Variants in CSMD1 observed in about 807,000 individuals in gnomAD.
The protein encoded by CSMD1 is CUB and sushi domain-containing protein 1.
Under a neutral mutation model 417.5 loss-of-function variants are expected in CSMD1, and 213 were observed. The ratio of observed to expected loss-of-function variants is 0.51; its 90% CI spans 0.46 to 0.57. CSMD1 has a LOEUF of 0.57. Ranked by LOEUF, CSMD1 falls within the 20% of genes least tolerant of loss-of-function variation. The pLI is 0.00. For synonymous variants in CSMD1, 2,862 were observed against 1,736.8 expected, an observed-to-expected ratio of 1.65 and a Z score of -16.11; for missense variants, 6,923 against 4,529.7, an observed-to-expected ratio of 1.53 and a Z score of -15.17.
intron 5 of CSMD1, among the ~76,000 whole-genome samples, chr8:3,925,918 G>A (rs938113719): frequency 1.1e-4 from 17 of 151,730 alleles, no homozygotes; most frequent in Admixed American, 9.2e-4. Context: ...ATAACAAAAT[G>A]TAGAAGGTAC....
chr8:3,627,883 T>C (rs948100029), intron 7 of CSMD1, among the ~76,000 whole-genome samples: 1 of 152,222 alleles, frequency 6.6e-6, no homozygotes, highest in African/African-American at 2.4e-5. Flanking sequence ...GTTTTCACTT[T>C]TGACCTTTAG....
In CSMD1 at chr8:3,242,672, G is replaced by A. The variant is rs149063240; in HGVS notation, c.4154-12441C>T. Among the ~76,000 whole-genome samples, 1,406 of 152,136 alleles carry A rather than the reference G, an allele frequency of 9.2e-3. 20 individuals carry two copies. Among genetic ancestry groups the A allele is most frequent in the African/African-American group, 0.032 (1,323 of 41,494 alleles). ...AGGTTTTTAAGAACACAGGCTAAGG[G>A]AGAAGAGAGGGGAATGGAGGGCGGA... On this transcript the variant is annotated intron_variant, in intron 26 of 69. Transcript: ENST00000635120.
intron 1 of CSMD1, among the ~76,000 whole-genome samples, chr8:4,840,024 A>G (rs550364355): frequency 6.6e-6 from 1 of 152,256 alleles, no homozygotes; most frequent in East Asian, 1.9e-4. Flanking sequence ...CATGCACAAA[A>G]GCCTGGTTTG....
At chr8:3,520,523 T>C (rs1009678204) in intron 10 of CSMD1, among the ~76,000 whole-genome samples, 24 of 152,230 alleles carry the variant, frequency 1.6e-4, no homozygotes, top group African/African-American at 5.5e-4. Context: ...TTTTATATCA[T>C]GTTTTAGCTT....
At chr8:3,352,566 G>T (rs542072908) in intron 21 of CSMD1, among the ~76,000 whole-genome samples, 47 of 152,248 alleles carry the variant, frequency 3.1e-4, no homozygotes, top group Non-Finnish European at 1.0e-4. Flanking sequence ...TTGGCTGGGC[G>T]CGGTGGCTCA....
At chr8:3,403,385 G>T (rs570992071) in intron 15 of CSMD1, among the ~76,000 whole-genome samples, 2 of 152,026 alleles carry the variant, frequency 1.3e-5, no homozygotes, top group Non-Finnish European at 2.9e-5. Context: ...CGGGGTACCC[G>T]CCTGTTCCAT....
chr8:4,715,582 CCTCA>C (rs1399340666), intron 1 of CSMD1, among the ~76,000 whole-genome samples: 1 of 152,126 alleles, frequency 6.6e-6, no homozygotes, highest in Non-Finnish European at 1.5e-5. Context: ...TCTGCGGATG[CCTCA>C]CTGACATCCA....
intron 1 of CSMD1, among the ~76,000 whole-genome samples, chr8:4,949,004 CTTTG>C (rs1487271219): frequency 6.6e-6 from 1 of 152,040 alleles, no homozygotes; most frequent in African/African-American, 2.4e-5. Context: ...TCCTTCTGTT[CTTTG>C]TTTGCTAAAT....
chr8:2,939,582 T>A (rs1328633693), intron 69 of CSMD1, among the ~76,000 whole-genome samples: 1 of 152,160 alleles, frequency 6.6e-6, no homozygotes, highest in Non-Finnish European at 1.5e-5. Context: ...AAGAAAAATG[T>A]GCCACGTGGC....
chr8:3,742,908 C>T (rs550887383), intron 6 of CSMD1, among the ~76,000 whole-genome samples: 2 of 152,188 alleles, frequency 1.3e-5, no homozygotes, highest in East Asian at 1.9e-4. Context: ...TATTTCCGTG[C>T]GAATGCGCTG....
intron 54 of CSMD1, among the ~76,000 whole-genome samples, chr8:2,991,398 G>C (rs1198937755): frequency 1.3e-5 from 2 of 152,034 alleles, no homozygotes; most frequent in Non-Finnish European, 2.9e-5. Context: ...CAATCAATGA[G>C]TTAAATGGAA....
At chr8:4,655,047 A>G (rs2130905539) in intron 1 of CSMD1, among the ~76,000 whole-genome samples, 2 of 151,912 alleles carry the variant, frequency 1.3e-5, no homozygotes, top group East Asian at 3.9e-4. Context: ...AAAAAAAAAA[A>G]AGCTTAAATC....
chr8:3,529,499 G>A (rs911016595), intron 10 of CSMD1, among the ~76,000 whole-genome samples: 1 of 152,134 alleles, frequency 6.6e-6, no homozygotes, highest in African/African-American at 2.4e-5. Flanking sequence ...TGTGACTCTG[G>A]CTCTAATCAT....
rs143533834 is a variant in CSMD1 at position 3,201,027 on chromosome 8, G to C, written c.5098+585C>G. On this transcript the variant is annotated intron_variant, in intron 32 of 69. Transcript: ENST00000635120. ...GAATACCATTCAGAACTCAGAGTAA[G>C]GGCATTGGGTGCATACCGTGTTTGT... 1.2e-4 allele frequency among the ~76,000 whole-genome samples: 18 copies of C among 152,268 alleles called. No individual in the cohort carries two copies. The East Asian group carries it at 3.5e-3, about 29-fold the overall frequency.
At chr8:4,814,215 TGTGC>T (rs1554490608) in intron 1 of CSMD1, among the ~76,000 whole-genome samples, 2 of 151,480 alleles carry the variant, frequency 1.3e-5, no homozygotes, top group Non-Finnish European at 2.9e-5. Flanking sequence ...TGTGTGTGTG[TGTGC>T]GTGTGCGTGT....
At chr8:3,763,539 G>A (rs1281082760) in intron 5 of CSMD1, among the ~76,000 whole-genome samples, 1 of 152,066 alleles carries the variant, frequency 6.6e-6, no homozygotes. Flanking sequence ...AATTTCTTCA[G>A]GCCCTTACCA....
At chr8:4,294,296 A>T (rs1797544190) in intron 3 of CSMD1, among the ~76,000 whole-genome samples, 1 of 152,180 alleles carries the variant, frequency 6.6e-6, no homozygotes, top group African/African-American at 2.4e-5. Context: ...TCGGTGCTTC[A>T]TATCCTTTTA....
chr8:3,403,644 T>C (rs1017365050), intron 15 of CSMD1, among the ~76,000 whole-genome samples: 1 of 152,154 alleles, frequency 6.6e-6, no homozygotes, highest in African/African-American at 2.4e-5. Context: ...CAGCTTGACT[T>C]GTGGCCAGGA....
intron 4 of CSMD1, among the ~76,000 whole-genome samples, chr8:4,006,827 T>TA (rs1554514320): frequency 7.9e-5 from 11 of 140,054 alleles, no homozygotes; most frequent in Admixed American, 5.0e-4. Flanking sequence ...TTTCCTATTT[T>TA]TTTTTTTTTT....
Sources: allele counts gnomAD v4.1 joint callset (sites outside exome capture counted in the v4.1 genomes callset), GRCh38; gene constraint gnomAD v4.1.1; transcripts MANE v1.5; gene names NCBI Gene and HGNC (gene_info 2026-07-23, HGNC 2026-07-21).